CLIC6: variants seen among roughly 807,000 people sequenced by gnomAD.
CLIC6 encodes chloride intracellular channel protein 6.
A neutral mutation model predicts 49.2 loss-of-function variants in CLIC6; 39 were observed. The ratio of observed to expected loss-of-function variants is 0.79; its 90% CI spans 0.61 to 1.04. The LOEUF is 1.04. Among genes scored for constraint, CLIC6 ranks in the 50% least tolerant of loss-of-function variants. CLIC6 has a pLI of 0.00. For missense variants in CLIC6, 988 were observed against 993.1 expected, an observed-to-expected ratio of 0.99 and a Z score of 0.07; for synonymous variants, 446 against 433.4, an observed-to-expected ratio of 1.03 and a Z score of -0.36.
At position 34,708,825 on chromosome 21, in the gene CLIC6, C is replaced by T; in HGVS notation, c.1717+19C>T. ...AATGAGAGTGAGTACCTCCCATCCT[C>T]CTGTTTTGTTTCAACACAGACTTGA... On this transcript the variant is annotated intron_variant, in intron 4 of 5. Transcript: ENST00000349499. 6.4e-7 allele frequency: 1 copy of T among 1,561,292 alleles called. No homozygotes were observed. The highest frequency in any genetic ancestry group is 1.7e-5 in the Admixed American group (1 of 59,914).
chr21:34,690,161 G>A (rs1318536956), intron 1 of CLIC6, among the ~76,000 whole-genome samples: 1 of 152,112 alleles, frequency 6.6e-6, no homozygotes, highest in East Asian at 1.9e-4. Flanking sequence ...GGGGTGAGTG[G>A]GGATCTTTCT....
intron 1 of CLIC6, among the ~76,000 whole-genome samples, chr21:34,682,718 C>G (rs1989800066): frequency 6.7e-6 from 1 of 149,204 alleles, no homozygotes; most frequent in Non-Finnish European, 1.5e-5. Context: ...TCATTGACAT[C>G]TTTAAAGGTT....
At chr21:34,684,733 T>C (rs908717298) in intron 1 of CLIC6, among the ~76,000 whole-genome samples, 1 of 152,234 alleles carries the variant, frequency 6.6e-6, no homozygotes, top group Non-Finnish European at 1.5e-5. Flanking sequence ...GTGAGGAGTG[T>C]AAGTGAAGGC....
intron 5 of CLIC6, among the ~76,000 whole-genome samples, chr21:34,714,617 G>A (rs1193684697): frequency 6.7e-6 from 1 of 150,362 alleles, no homozygotes; most frequent in Non-Finnish European, 1.5e-5. Context: ...GAACCTGGGA[G>A]GTGGAGGTTG....
intron 1 of CLIC6, among the ~76,000 whole-genome samples, chr21:34,690,584 C>A (rs989863095): frequency 1.3e-5 from 2 of 152,112 alleles, no homozygotes; most frequent in East Asian, 1.9e-4. Flanking sequence ...TGTTCATCTG[C>A]AGGTGGCAGA....
At chr21:34,686,516 A>C (rs1247026916) in intron 1 of CLIC6, among the ~76,000 whole-genome samples, 2 of 152,234 alleles carry the variant, frequency 1.3e-5, no homozygotes, top group Admixed American at 1.3e-4. Flanking sequence ...TAATACTCCT[A>C]TTAAGAAGTG....
intron 1 of CLIC6, among the ~76,000 whole-genome samples, chr21:34,702,783 G>A (rs1252426297): frequency 6.6e-6 from 1 of 152,142 alleles, no homozygotes; most frequent in Non-Finnish European, 1.5e-5. Context: ...TGGGAGGAGG[G>A]AGTCACCTCC....
chr21:34,701,571 T>A lies in CLIC6; in HGVS notation c.1375-5709T>A, dbSNP rs560004017. On this transcript the variant is annotated intron_variant, in intron 1 of 5. Transcript: ENST00000349499. ...GTAGGTGCATGTATCCCTATTTTTT[T>A]AAAAAAGGGAGAAACTGAGGCTCAG... Among the ~76,000 whole-genome samples the A allele has an allele frequency of 1.4e-3, 213 of 152,060 alleles. 2 individuals carry two copies. The highest frequency in any genetic ancestry group is 2.9e-3 in the African/African-American group (121 of 41,478).
intron 1 of CLIC6, among the ~76,000 whole-genome samples, chr21:34,673,673 A>G (rs768612096): frequency 6.6e-6 from 1 of 152,198 alleles, no homozygotes; most frequent in Non-Finnish European, 1.5e-5. Flanking sequence ...TATCCTACCA[A>G]TTATGCTCTT....
chr21:34,693,382 C>T (rs750804475), intron 1 of CLIC6, among the ~76,000 whole-genome samples: 3 of 152,076 alleles, frequency 2.0e-5, no homozygotes, highest in Non-Finnish European at 4.4e-5. Flanking sequence ...GAATGGAGAC[C>T]GTAAAAGGGA....
intron 1 of CLIC6, among the ~76,000 whole-genome samples, chr21:34,701,308 CAAAAAAAAAAAAA>C (rs763844976): frequency 2.0e-5 from 1 of 49,570 alleles, no homozygotes; most frequent in East Asian, 7.1e-4. Flanking sequence ...GGCTCCGTCT[CAAAAAAAAAAAAA>C]AAAAAAAAAA....
At chr21:34,698,050 A>G (rs984645772) in intron 1 of CLIC6, among the ~76,000 whole-genome samples, 2 of 150,726 alleles carry the variant, frequency 1.3e-5, no homozygotes, top group Non-Finnish European at 3.0e-5. Context: ...CGCTGTCTCT[A>G]TAGGAGCTCA....
At chr21:34,714,823 A>G (rs1230356844) in intron 5 of CLIC6, among the ~76,000 whole-genome samples, 1 of 152,250 alleles carries the variant, frequency 6.6e-6, no homozygotes, top group Non-Finnish European at 1.5e-5. Context: ...GGACACACAC[A>G]TGCATACAGA....
chr21:34,714,915 G>T, intron 5 of CLIC6, among the ~76,000 whole-genome samples: 1 of 152,182 alleles, frequency 6.6e-6, no homozygotes, highest in Non-Finnish European at 1.5e-5. Flanking sequence ...AAAAAGATGG[G>T]CAAAGAAAAA....
chr21:34,678,523 TG>T (rs1447574182), intron 1 of CLIC6, among the ~76,000 whole-genome samples: 1 of 152,088 alleles, frequency 6.6e-6, no homozygotes, highest in African/African-American at 2.4e-5. Context: ...CATACAAAAT[TG>T]GAGTTCGATT....
At chr21:34,702,373 G>A (rs986537067) in intron 1 of CLIC6, among the ~76,000 whole-genome samples, 8 of 152,188 alleles carry the variant, frequency 5.3e-5, no homozygotes, top group African/African-American at 1.4e-4. Context: ...TGGGGGCGCA[G>A]GCTGGGGGCG....
rs778806319 is a variant in CLIC6, at chr21:34,716,484, G to A, written c.*2G>A. On this transcript the variant is annotated 3_prime_UTR_variant, in exon 6 of 6. Coordinates refer to ENST00000349499, the MANE Select transcript of CLIC6 (RefSeq NM_053277.3). ...GATGTTGCAAAAAGAATGAAATGAA[G>A]CTGGGCTGTTTTCTGTCTTATTTCT... is the stretch of plus-strand genomic sequence containing the variant. 2.5e-6 allele frequency: 4 copies of A among 1,606,258 alleles called. No homozygotes were observed. Among genetic ancestry groups the A allele is most frequent in the Non-Finnish European group, 3.4e-6 (4 of 1,176,522 alleles).
In CLIC6 at chr21:34,670,527, G is replaced by C. The variant is rs761420874; in HGVS notation, c.1139G>C (p.Gly380Ala). Residue 380 changes from glycine (G) to alanine (A), a missense_variant, in exon 1 of 6, where the codon GGG (glycine) becomes GCG (alanine). Transcript: ENST00000349499. Reference protein sequence around the residue: ...DEERRERSPEGPREEEAAGGE... With the variant: ...DEERRERSPEAPREEEAAGGE... ...GAGAGACGAGAGCGGAGCCCGGAGGGGCCAAGGGAGGAGGAAGCAGCGGGG... is the reference window on the plus strand; with the variant it reads ...GAGAGACGAGAGCGGAGCCCGGAGGCGCCAAGGGAGGAGGAAGCAGCGGGG... 5 of 1,500,020 alleles carry C rather than the reference G, an allele frequency of 3.3e-6. No homozygotes were observed. Among genetic ancestry groups the C allele is most frequent in the Non-Finnish European group, 4.4e-6 (5 of 1,124,422 alleles). 92.9% of individuals were successfully genotyped at this position (1,500,020 alleles called of 1,614,324 possible).
intron 1 of CLIC6, among the ~76,000 whole-genome samples, chr21:34,678,688 A>G (rs1989720899): frequency 6.6e-6 from 1 of 152,234 alleles, no homozygotes; most frequent in Non-Finnish European, 1.5e-5. Flanking sequence ...ATATAAAGTC[A>G]ACATAAAATG....
Sources: gnomAD v4.1 joint callset for allele counts (sites outside exome capture counted in the v4.1 genomes callset) on GRCh38, gnomAD v4.1.1 for gene constraint, MANE v1.5 for transcripts, NCBI Gene and HGNC (gene_info 2026-07-23, HGNC 2026-07-21) for gene names.